Variants in ACY3 observed in about 807,000 individuals in gnomAD.
ACY3 encodes the protein N-acyl-aromatic-L-amino acid amidohydrolase (carboxylate-forming).
A neutral mutation model predicts 24.6 loss-of-function variants in ACY3; 20 were observed. That is an observed-to-expected ratio of 0.81 (90% confidence interval 0.57 to 1.18). The LOEUF (loss-of-function observed/expected upper bound fraction) is 1.18. ACY3 is among the 50% of genes most tolerant of loss of function. The pLI is 0.00. For synonymous variants in ACY3, 174 were observed against 188.4 expected (o/e 0.92, Z 0.62); for missense variants, 423 against 426.8 (o/e 0.99, Z 0.08).
rs1273588232 is a variant in ACY3 at position 67,643,006 on chromosome 11, C to T, written c.745-67G>A. ...TGCCCTGGCCCCAGAGGGGGGTGAC[C>T]CCAGCTTGACACCCAAAAGATGCCC... is the stretch of plus-strand genomic sequence containing the variant. On this transcript the variant is annotated intron_variant, in intron 7 of 7. Coordinates refer to ENST00000255082, the MANE Select transcript of ACY3 (RefSeq NM_080658.2). 3.5e-6 allele frequency: 5 copies of T among 1,424,708 alleles called. No homozygotes were observed. The African/African-American group carries it at 7.1e-5, about 20-fold the overall frequency. 88.3% of individuals were successfully genotyped at this position (1,424,708 alleles called of 1,614,324 possible).
Position 67,644,878 on chromosome 11 carries a change from G to A in ACY3, c.635-9C>T. 1 of 1,609,174 alleles carries A rather than the reference G, an allele frequency of 6.2e-7. No individual in the cohort carries two copies. ...GGCAGGAAAGGCCGTACCTGTGTGG[G>A]AGGCTGGGTGTGTGAGCCCATCCCT... On this transcript the variant is annotated splice_polypyrimidine_tract_variant and intron_variant, in intron 6 of 7. Coordinates refer to ENST00000255082, the MANE Select transcript of ACY3 (RefSeq NM_080658.2).
At chr11:67,643,570 C>T (rs930903754) in intron 7 of ACY3, among the ~76,000 whole-genome samples, 2 of 151,110 alleles carry the variant, frequency 1.3e-5, no homozygotes, top group South Asian at 2.1e-4. Context: ...CCCAGCTATT[C>T]GGGAGGCTGA....
intron 3 of ACY3, among the ~76,000 whole-genome samples, chr11:67,646,429 C>G (rs971619685): frequency 1.3e-5 from 2 of 152,218 alleles, no homozygotes; most frequent in African/African-American, 4.8e-5. Context: ...GTCCTATTCC[C>G]CATTCTCTCA....
chr11:67,644,159 A>T (rs1855462973), intron 7 of ACY3, among the ~76,000 whole-genome samples: 1 of 151,844 alleles, frequency 6.6e-6, no homozygotes, highest in South Asian at 2.1e-4. Flanking sequence ...TAAGAAGGTA[A>T]CTCCTCAAAA....
chr11:67,648,764 C>T (rs998201061), intron 1 of ACY3, among the ~76,000 whole-genome samples: 1 of 152,216 alleles, frequency 6.6e-6, no homozygotes, highest in African/African-American at 2.4e-5. Flanking sequence ...GCTCTCCTGC[C>T]CTCCACACCC....
intron 7 of ACY3, 60 bp from the exon 8 acceptor site, chr11:67,642,999 G>T (rs1340442945): frequency 2.6e-6 from 4 of 1,515,322 alleles, no homozygotes; most frequent in Non-Finnish European, 3.6e-6. Flanking sequence ...CCCCAGAGGG[G>T]GGTGACCCCA....
In ACY3 at chr11:67,644,739, C is replaced by CAA. The variant is rs757946435; in HGVS notation, c.744+20_744+21insTT. 4.6e-6 allele frequency: 7 copies of CAA among 1,526,854 alleles called. No homozygotes were observed. In the East Asian group the frequency reaches 1.7e-4, roughly 38 times the overall value. 94.6% of individuals were successfully genotyped at this position (1,526,854 alleles called of 1,614,324 possible). A position where few individuals can be genotyped will look rare whatever the true frequency, so the allele number is the denominator to read the frequency against. On this transcript the variant is annotated intron_variant, in intron 7 of 7. Coordinates refer to ENST00000255082, the MANE Select transcript of ACY3 (RefSeq NM_080658.2). ...CCCAGAAATCACCCCCCACCACACA[C>CAA]ACACACACACACACACACACCTGCA...
intron 1 of ACY3, among the ~76,000 whole-genome samples, chr11:67,649,160 C>G (rs1855569995): frequency 6.6e-6 from 1 of 152,174 alleles, no homozygotes; most frequent in Admixed American, 6.5e-5. Flanking sequence ...CGGCCTGGGT[C>G]TGTTCCTTCC....
At chr11:67,647,386 C>T (rs944349523) in intron 2 of ACY3, 130 bp downstream of exon 2, 3 of 239,524 alleles carry the variant, frequency 1.3e-5, no homozygotes, top group East Asian at 8.5e-5. Context: ...TGAGGCACAG[C>T]GTGGGGAGTG....
At chr11:67,644,735 CA>C (rs1855474377) in intron 7 of ACY3, 24 bp downstream of exon 7, 2 of 1,292,950 alleles carry the variant, frequency 1.5e-6, no homozygotes, top group African/African-American at 4.1e-5. Flanking sequence ...CCCCCCACCA[CA>C]CACACACACA....
chr11:67,647,769 G>T (rs1438068033), intron 1 of ACY3, among the ~76,000 whole-genome samples, 180 bp from the exon 2 acceptor site: 1 of 152,212 alleles, frequency 6.6e-6, no homozygotes, highest in African/African-American at 2.4e-5. Flanking sequence ...GGTCCTGCGG[G>T]CAAGTTCCTG....
chr11:67,646,681 G>T, intron 3 of ACY3, 127 bp downstream of exon 3: 1 of 909,846 alleles, frequency 1.1e-6, no homozygotes. Context: ...GTGGAGGAAT[G>T]GGCCACATAG....
intron 3 of ACY3, among the ~76,000 whole-genome samples, chr11:67,646,165 T>C (rs1855513841): frequency 6.6e-6 from 1 of 152,202 alleles, no homozygotes; most frequent in African/African-American, 2.4e-5. Flanking sequence ...CTGAGCACCA[T>C]GCTGGTCTCA....
chr11:67,644,732 C>CA lies in ACY3; in HGVS notation c.744+27_744+28insT, dbSNP rs143278298. 2.2e-5 allele frequency: 29 copies of CA among 1,317,630 alleles called. No homozygotes were observed. The East Asian group carries it at 5.0e-4, about 23-fold the overall frequency. 81.6% of individuals were successfully genotyped at this position (1,317,630 alleles called of 1,614,324 possible). On this transcript the variant is annotated intron_variant, in intron 7 of 7. Transcript: ENST00000255082. ...CTGTGGCCCCAGAAATCACCCCCCA[C>CA]CACACACACACACACACACACACAC...
At chr11:67,646,535 T>G (rs973042672) in intron 3 of ACY3, among the ~76,000 whole-genome samples, 12 of 152,244 alleles carry the variant, frequency 7.9e-5, no homozygotes, top group African/African-American at 2.9e-4. Flanking sequence ...CAAGTAAACA[T>G]GGCCTGTGGG....
chr11:67,646,950 G>A lies in ACY3; in HGVS notation c.94C>T (p.Arg32Trp), dbSNP rs779671699. The A allele has an allele frequency of 3.9e-5, 62 of 1,594,520 alleles. 1 individual carries two copies. The highest frequency in any genetic ancestry group is 4.8e-5 in the Non-Finnish European group (56 of 1,170,336). Reference sequence around the variant, plus strand: ...TCTGCGGGGGCATGCAGCCAGTGCCGGGCCAGGTAGACGCCCGACATCTCG... The same window carrying A: ...TCTGCGGGGGCATGCAGCCAGTGCCAGGCCAGGTAGACGCCCGACATCTCG... ...GNEMSGVYLA[R>W]HWLHAPAELQ... Residue 32 changes from arginine to tryptophan, a missense_variant, in exon 3 of 8, where the codon CGG becomes TGG. Arg to Trp is a moderately radical substitution (Grantham distance 101). Coordinates refer to ENST00000255082, the MANE Select transcript of ACY3 (RefSeq NM_080658.2).
chr11:67,642,768 G>A lies in ACY3; in HGVS notation c.916C>T (p.Pro306Ser). The A allele has an allele frequency of 6.2e-7, 1 of 1,614,160 alleles. No homozygotes were observed. The highest frequency in any genetic ancestry group is 8.5e-7 in the Non-Finnish European group (1 of 1,180,044). ...GCAGGGGTCAGCGCGGGCATGGCAG[G>A]CACGGTGAATGTGAACTTCTCAGTC... ...VQTEKFTFTV[P>S]AMPALTPAPS... The change falls in exon 8 of 8, where the codon CCT becomes TCT. Residue 306 changes from proline (P) to serine (S), a missense_variant. Pro to Ser is a moderately conservative substitution (Grantham distance 74). Coordinates refer to ENST00000255082, the MANE Select transcript of ACY3 (RefSeq NM_080658.2).
In ACY3 at chr11:67,646,821, T is replaced by TG. The variant is rs1467438427; in HGVS notation, c.222dup (p.Ser75GlnfsTer15). ...AAAAGCACTCACTTGAGGAAGCTGC[T>TG]GGTGAAGGTGCGGTTGAGGTCATGG... On this transcript the variant is annotated frameshift_variant, in exon 3 of 8. Coordinates refer to ENST00000255082, the MANE Select transcript of ACY3 (RefSeq NM_080658.2). LOFTEE classifies it high-confidence loss of function. The TG allele has an allele frequency of 9.9e-6, 16 of 1,612,992 alleles. No individual in the cohort carries two copies. Among genetic ancestry groups the TG allele is most frequent in the Non-Finnish European group, 1.4e-5 (16 of 1,179,918 alleles).
At chr11:67,644,314 G>A (rs952222859) in intron 7 of ACY3, among the ~76,000 whole-genome samples, 3 of 152,160 alleles carry the variant, frequency 2.0e-5, no homozygotes, top group Non-Finnish European at 4.4e-5. Context: ...CCTAATCCTG[G>A]AACATTCAGG....
Sources: allele counts gnomAD v4.1 joint callset (sites outside exome capture counted in the v4.1 genomes callset), GRCh38; gene constraint gnomAD v4.1.1; transcripts MANE v1.5; gene names NCBI Gene and HGNC (gene_info 2026-07-23, HGNC 2026-07-21).